Variants in SLX4 observed in about 807,000 individuals in gnomAD.
SLX4 encodes the protein structure-specific endonuclease subunit SLX4.
Under a neutral mutation model 146.2 loss-of-function variants are expected in SLX4, and 112 were observed. The observed-to-expected ratio is 0.77, with a 90% confidence interval of 0.66 to 0.90. The LOEUF is 0.90. SLX4 is among the 40% of genes least tolerant of loss of function. The pLI is 0.00. For synonymous variants in SLX4, 1,061 were observed against 997.7 expected (o/e 1.06, Z -1.20); for missense variants, 2,563 against 2,392.7 (o/e 1.07, Z -1.49).
Position 3,582,312 on chromosome 16 carries a change from G to C in SLX4, c.*30C>G, listed in dbSNP as rs1433392731. Reference sequence around the variant, plus strand: ...ATGGCGGGGGTGGGGGCTGCTGATGGCAGGTTGGGGTGGGGTCGGGATGGC... The same window carrying C: ...ATGGCGGGGGTGGGGGCTGCTGATGCCAGGTTGGGGTGGGGTCGGGATGGC... On this transcript the variant is annotated 3_prime_UTR_variant, in exon 15 of 15. Coordinates refer to ENST00000294008, the MANE Select transcript of SLX4 (RefSeq NM_032444.4). The C allele has an allele frequency of 1.3e-6, 2 of 1,587,790 alleles. No individual in the cohort carries two copies. The highest frequency in any genetic ancestry group is 1.7e-6 in the Non-Finnish European group (2 of 1,166,010).
rs1446400890 is a variant in SLX4, at chr16:3,595,551, CAT to C, written c.2013+52_2013+53del. ...AGCGGTGAGCCAACCCCACCACACA[CAT>C]GGCAAGTGGGATGGCCGGGACCAGA... On this transcript the variant is annotated intron_variant, in intron 9 of 14. Coordinates refer to ENST00000294008, the MANE Select transcript of SLX4 (RefSeq NM_032444.4). The C allele has an allele frequency of 6.9e-6, 11 of 1,599,766 alleles. No individual in the cohort carries two copies. In the South Asian group the frequency reaches 7.7e-5, roughly 11 times the overall value.
intron 12 of SLX4, among the ~76,000 whole-genome samples, chr16:3,586,972 G>A (rs1336890769): frequency 6.6e-6 from 1 of 152,188 alleles, no homozygotes; most frequent in African/African-American, 2.4e-5. Context: ...GAAATGTCCA[G>A]GACAGGCAAA....
At chr16:3,600,509 C>G (rs12149539) in intron 5 of SLX4, 4 of 210,160 alleles carry the variant, frequency 1.9e-5, no homozygotes, top group South Asian at 6.9e-5. Context: ...TCACTCCCTT[C>G]TAGACTGTGC....
chr16:3,583,159 TG>T lies in SLX4; in HGVS notation c.5090del (p.Pro1697GlnfsTer18). 6.2e-7 allele frequency: 1 copy of T among 1,614,246 alleles called. No individual in the cohort carries two copies. Among genetic ancestry groups the T allele is most frequent in the Non-Finnish European group, 8.5e-7 (1 of 1,180,044 alleles). ...AGGTGGCCACGGATTCTTGAGAGGC[TG>T]GGATCTGGGCGTCATCATTGAGGCC... ...PPGLNDDAQI[P>X]ASQESVATSV... On this transcript the variant is annotated frameshift_variant, in exon 14 of 15. Transcript: ENST00000294008. LOFTEE classifies it high-confidence loss of function.
Position 3,589,061 on chromosome 16 carries a change from G to A in SLX4, c.4577C>T (p.Pro1526Leu), listed in dbSNP as rs2151120905. ...ACCAGCGCTTGGCATCTGGGCCGGAGGAGGGGTCTCTGGAGGCCTCTGCTC... is the reference window on the plus strand; with the variant it reads ...ACCAGCGCTTGGCATCTGGGCCGGAAGAGGGGTCTCTGGAGGCCTCTGCTC... Reference protein sequence around the residue: ...GEEQRPPETPPPAQMPSAGGA... With the variant: ...GEEQRPPETPLPAQMPSAGGA... The change falls in exon 12 of 15, where the codon CCT becomes CTT. Residue 1526 changes from proline to leucine, a missense_variant. By Grantham distance (98) the Pro-to-Leu change is moderately conservative. Coordinates refer to ENST00000294008, the MANE Select transcript of SLX4 (RefSeq NM_032444.4). The surrounding 1 kb of genome is among the most constrained non-coding windows in gnomAD (Gnocchi z 6.2). 1.9e-6 allele frequency: 3 copies of A among 1,614,178 alleles called. No individual in the cohort carries two copies. Among genetic ancestry groups the A allele is most frequent in the Non-Finnish European group, 2.5e-6 (3 of 1,180,036 alleles).
At chr16:3,592,639 A>C in intron 11 of SLX4, 60 bp downstream of exon 11, 3 of 1,568,110 alleles carry the variant, frequency 1.9e-6, no homozygotes, top group South Asian at 1.2e-5. Context: ...ACAACCCTCC[A>C]GAGCTGTTAA....
At chr16:3,609,818 C>G (rs1471743043) in intron 1 of SLX4, among the ~76,000 whole-genome samples, 2 of 152,184 alleles carry the variant, frequency 1.3e-5, no homozygotes, top group East Asian at 1.9e-4. Context: ...AGAGTGTTTT[C>G]TTAACTGAAA....
chr16:3,582,170 A>C lies in SLX4; in HGVS notation c.*172T>G. 3.2e-6 allele frequency: 2 copies of C among 619,444 alleles called. No homozygotes were observed. The highest frequency in any genetic ancestry group is 5.5e-5 in the East Asian group (2 of 36,498). The allele number at this position is 619,444 out of a possible 1,614,324, so 38.4% of individuals were successfully genotyped here. On this transcript the variant is annotated 3_prime_UTR_variant, in exon 15 of 15. Coordinates refer to ENST00000294008, the MANE Select transcript of SLX4 (RefSeq NM_032444.4). ...CACCCTAGAAAGCAGAGCCCAGAGG[A>C]GGAAGCCCTGGATTGGGCTGTGGTC...
In SLX4 at chr16:3,584,865, G is replaced by C. The variant is rs765384193; in HGVS notation, c.4643C>G (p.Ala1548Gly). ...KPEGLETPKG[A>G]NRKKNLPPKV... ...GGGGGGCAAGTTCTTCTTCCGATTA[G>C]CACCTTCTGGGTAAAACAAAAGAAG... is the stretch of plus-strand genomic sequence containing the variant. The change falls in exon 13 of 15, where the codon GCT becomes GGT. Residue 1548 changes from alanine to glycine, a missense_variant. Coordinates refer to ENST00000294008, the MANE Select transcript of SLX4 (RefSeq NM_032444.4). 1 of 1,611,462 alleles carries C rather than the reference G, an allele frequency of 6.2e-7. No individual in the cohort carries two copies. The highest frequency in any genetic ancestry group is 8.5e-7 in the Non-Finnish European group (1 of 1,177,568).
At position 3,600,964 on chromosome 16, in the gene SLX4, T is replaced by C; in HGVS notation, c.1163+15A>G. 5 of 1,612,658 alleles carry C rather than the reference T, an allele frequency of 3.1e-6. No homozygotes were observed. The highest frequency in any genetic ancestry group is 4.2e-6 in the Non-Finnish European group (5 of 1,179,892). On this transcript the variant is annotated intron_variant, in intron 5 of 14. Transcript: ENST00000294008. ...GCATTATTTGGCTTGGTTTTCTTCC[T>C]TTTCGTCGACTTACCTGAACATGGG...
intron 8 of SLX4, 103 bp downstream of exon 8, chr16:3,596,050 T>G: frequency 6.8e-7 from 1 of 1,463,182 alleles, no homozygotes; most frequent in Non-Finnish European, 9.0e-7. Flanking sequence ...AGGTCAGAGC[T>G]GCCGTCGCGG....
intron 9 of SLX4, among the ~76,000 whole-genome samples, chr16:3,595,362 T>G (rs1187126367): frequency 2.0e-5 from 3 of 152,152 alleles, no homozygotes; most frequent in Non-Finnish European, 4.4e-5. Flanking sequence ...AGGTGCCCCA[T>G]GGAGTCACAG....
rs2040783291 is a variant in SLX4 at position 3,606,473 on chromosome 16, C to T, written c.760+1G>A. 1.1e-5 allele frequency: 18 copies of T among 1,614,124 alleles called. No homozygotes were observed. Among genetic ancestry groups the T allele is most frequent in the Middle Eastern group, 1.7e-4 (1 of 6,060 alleles). On this transcript the variant is annotated splice_donor_variant, in intron 3 of 14. Coordinates refer to ENST00000294008, the MANE Select transcript of SLX4 (RefSeq NM_032444.4). LOFTEE classifies it high-confidence loss of function. ...GGAAGACAGAAACACACTCATCATA[C>T]CATTCCCCGCCATCATCTCCTCTTG...
At position 3,584,677 on chromosome 16, in the gene SLX4, C is replaced by T. The variant is rs189824171; in HGVS notation, c.4739+92G>A. The T allele has an allele frequency of 1.4e-4, 142 of 1,000,602 alleles. 1 individual carries two copies. In the East Asian group the frequency reaches 2.7e-3, roughly 19 times the overall value. The allele number at this position is 1,000,602 out of a possible 1,614,324, so 62.0% of individuals were successfully genotyped here. ...GCATCCACCAGACCCAGAGACCACA[C>T]GGGGGGCCCTTCCGCCCCCAGGTGT... On this transcript the variant is annotated intron_variant, in intron 13 of 14. Coordinates refer to ENST00000294008, the MANE Select transcript of SLX4 (RefSeq NM_032444.4).
Position 3,589,657 on chromosome 16 carries a change from G to A in SLX4, c.3981C>T (p.Pro1327=), listed in dbSNP as rs752013274. The A allele has an allele frequency of 1.3e-5, 21 of 1,613,938 alleles. No homozygotes were observed. The highest frequency in any genetic ancestry group is 1.1e-4 in the East Asian group (5 of 44,898). Residue 1327 remains proline, a synonymous_variant, in exon 12 of 15, where the codon CCC becomes CCT. Coordinates refer to ENST00000294008, the MANE Select transcript of SLX4 (RefSeq NM_032444.4). This position sits in a 1 kb window ranked among gnomAD's most constrained non-coding sequence, Gnocchi z 6.2. The part of the protein sequence containing the change: ...PPQTPSSCLT[P]VSPGTSDGRR... ...TGCCGTCAGAAGTTCCTGGAGAGAC[G>A]GGAGTGAGGCATGAGGACGGTGTCT...
intron 5 of SLX4, chr16:3,600,516 G>A (rs898314728): frequency 4.8e-6 from 1 of 209,888 alleles, no homozygotes; most frequent in African/African-American, 2.4e-5. Context: ...CTTCTAGACT[G>A]TGCCCGATTT....
At position 3,589,789 on chromosome 16, in the gene SLX4, G is replaced by A. The variant is rs200928592; in HGVS notation, c.3849C>T (p.Ala1283=). The stretch of plus-strand genomic sequence containing the variant: ...GCGTGTGCTGAGTCACCGCCTGCAC[G>A]GCCAGCCCGCTCCTGAGGCTGCTGA... ...TQISSLRSGL[A]VQAVTQHTPR... The change falls in exon 12 of 15, where the codon GCC becomes GCT. Residue 1283 remains alanine, a synonymous_variant. Transcript: ENST00000294008. This position sits in a 1 kb window ranked among gnomAD's most constrained non-coding sequence, Gnocchi z 6.2. The A allele has an allele frequency of 5.0e-6, 8 of 1,613,262 alleles. No homozygotes were observed. Among genetic ancestry groups the A allele is most frequent in the Middle Eastern group, 1.6e-4 (1 of 6,084 alleles).
At chr16:3,585,288 T>TA (rs1270703335) in intron 12 of SLX4, among the ~76,000 whole-genome samples, 2 of 152,098 alleles carry the variant, frequency 1.3e-5, no homozygotes, top group African/African-American at 4.8e-5. Flanking sequence ...AAAACCCAGT[T>TA]AAAAAATGGG....
rs558641534 is a variant in SLX4 at position 3,608,650 on chromosome 16, G to A, written c.315C>T (p.Gly105=). The change falls in exon 2 of 15, where the codon GGC becomes GGT. Residue 105 remains glycine, a synonymous_variant. Transcript: ENST00000294008. ...QTATKTKTLQ[G]PAEKKPPSGS... is the part of the protein sequence containing the mutation. The stretch of plus-strand genomic sequence containing the variant: ...CAGACGGAGGTTTCTTCTCTGCAGG[G>A]CCTTGAAGGGTTTTGGTCTTGGTAG... 2 of 1,614,192 alleles carry A rather than the reference G, an allele frequency of 1.2e-6. No individual in the cohort carries two copies. Among genetic ancestry groups the A allele is most frequent in the Non-Finnish European group, 1.7e-6 (2 of 1,180,042 alleles).
Sources: gnomAD v4.1 joint callset for allele counts (sites outside exome capture counted in the v4.1 genomes callset) on GRCh38, gnomAD v4.1.1 for gene constraint, Gnocchi (gnomAD v3.1) non-coding constraint, MANE v1.5 for transcripts, NCBI Gene and HGNC (gene_info 2026-07-23, HGNC 2026-07-21) for gene names.